The following FER1L5 variants were observed in gnomAD, a reference collection of about 807,000 sequenced individuals.
FER1L5 encodes fer-1-like protein 5.
In FER1L5, 187 loss-of-function variants were observed where a neutral mutation model predicts 279.9. The observed-to-expected ratio is 0.67, with a 90% CI of 0.59 to 0.75. The LOEUF is 0.75. Among genes scored for constraint, FER1L5 ranks in the 30% least tolerant of loss-of-function variants. The pLI is 0.00. For missense variants in FER1L5, 2,091 were observed against 2,594.4 expected, an observed-to-expected ratio of 0.81 and a Z score of 4.21; for synonymous variants, 921 against 989.7, an observed-to-expected ratio of 0.93 and a Z score of 1.30.
At position 96,647,843 on chromosome 2, in the gene FER1L5, T is replaced by C; in HGVS notation, c.296T>C (p.Val99Ala). 6.4e-7 allele frequency: 1 copy of C among 1,551,796 alleles called. No homozygotes were observed. The highest frequency in any genetic ancestry group is 8.7e-7 in the Non-Finnish European group (1 of 1,147,016). The change falls in exon 4 of 53, where the codon GTG (valine) becomes GCG (alanine). Residue 99 changes from valine to alanine, a missense_variant. Coordinates refer to ENST00000624922, the MANE Select transcript of FER1L5 (RefSeq NM_001293083.2). ...LLKQPSEVLFVKDLTLLNHSM... is the reference protein window; with the variant it reads ...LLKQPSEVLFAKDLTLLNHSM... ...AAACAACCAAGTGAGGTCCTTTTTG[T>C]GAAGGACTTGACCCTGCTCAACCAT... is the stretch of plus-strand genomic sequence containing the variant.
In FER1L5 at chr2:96,695,814, C is replaced by A; in HGVS notation, c.3967C>A (p.Gln1323Lys). ...GGTAGACAACTGGGCCTTCGGCCAG[C>A]AGACCGTGACGGGCCAGGCCAACAT... is the stretch of plus-strand genomic sequence containing the variant. ...KVVDNWAFGQQTVTGQANIDF... is the reference protein window; with the variant it reads ...KVVDNWAFGQKTVTGQANIDF... Residue 1323 changes from glutamine to lysine, a missense_variant, in exon 36 of 53, where the codon CAG becomes AAG. Transcript: ENST00000624922. 3 of 1,612,950 alleles carry A rather than the reference C, an allele frequency of 1.9e-6. No homozygotes were observed. Among genetic ancestry groups the A allele is most frequent in the Non-Finnish European group, 8.5e-7 (1 of 1,179,506 alleles).
At chr2:96,680,554 C>G (rs1396403730) in intron 19 of FER1L5, among the ~76,000 whole-genome samples, 1 of 151,980 alleles carries the variant, frequency 6.6e-6, no homozygotes, top group Non-Finnish European at 1.5e-5. Flanking sequence ...GGTGACCATT[C>G]TATTTAAATT....
Position 96,702,491 on chromosome 2 carries a change from T to A in FER1L5, c.5255+90T>A. ...ACGGCCCAGTCCTGAATGGGACACCTCTCCATCCAGCTCTGCCTGGCGTCG... is the reference window on the plus strand; with the variant it reads ...ACGGCCCAGTCCTGAATGGGACACCACTCCATCCAGCTCTGCCTGGCGTCG... On this transcript the variant is annotated intron_variant, in intron 47 of 52. Coordinates refer to ENST00000624922, the MANE Select transcript of FER1L5 (RefSeq NM_001293083.2). The surrounding 1 kb of genome is among the most constrained non-coding windows in gnomAD (Gnocchi z 4.0). 1 of 1,551,152 alleles carries A rather than the reference T, an allele frequency of 6.4e-7. No homozygotes were observed. The highest frequency in any genetic ancestry group is 1.2e-5 in the South Asian group (1 of 83,530).
At chr2:96,661,903 TA>T (rs1573829750) in intron 12 of FER1L5, 112 bp downstream of exon 12, 42 of 1,432,324 alleles carry the variant, frequency 2.9e-5, no homozygotes, top group South Asian at 6.8e-5. Flanking sequence ...CTGTTTGGGG[TA>T]GGGGGGACAG....
chr2:96,688,085 A>C, intron 24 of FER1L5, 138 bp downstream of exon 24: 1 of 1,179,154 alleles, frequency 8.5e-7, no homozygotes, highest in South Asian at 1.5e-5. Context: ...CCCTGCACTG[A>C]AGAGGAAGAA....
At chr2:96,673,297 A>G in intron 19 of FER1L5, 43 bp downstream of exon 19, 1 of 1,523,750 alleles carries the variant, frequency 6.6e-7, no homozygotes, top group Non-Finnish European at 8.9e-7. Flanking sequence ...CAGCCACTGC[A>G]TGCCAGGCCC....
chr2:96,702,558 G>A lies in FER1L5; in HGVS notation c.5256-42G>A. 1 of 1,554,038 alleles carries A rather than the reference G, an allele frequency of 6.4e-7. No homozygotes were observed. Among genetic ancestry groups the A allele is most frequent in the Non-Finnish European group, 8.7e-7 (1 of 1,148,778 alleles). On this transcript the variant is annotated intron_variant, in intron 47 of 52. Coordinates refer to ENST00000624922, the MANE Select transcript of FER1L5 (RefSeq NM_001293083.2). This position sits in a 1 kb window ranked among gnomAD's most constrained non-coding sequence, Gnocchi z 4.0. ...CATGGGGCTCCAGCTGGGGGATGGG[G>A]CCAATGCACATGAGCCACAGGTGAT...
chr2:96,690,459 C>T, intron 26 of FER1L5, 28 bp from the exon 27 acceptor site: 1 of 1,547,686 alleles, frequency 6.5e-7, no homozygotes, highest in Non-Finnish European at 8.7e-7. Flanking sequence ...TCATGTGCCC[C>T]TCGCTCGCCC....
intron 10 of FER1L5, among the ~76,000 whole-genome samples, chr2:96,661,006 C>T (rs2075933867): frequency 6.6e-6 from 1 of 152,206 alleles, no homozygotes; most frequent in Non-Finnish European, 1.5e-5. Flanking sequence ...TTCCACCTTA[C>T]CTGGCTATAA....
Position 96,694,068 on chromosome 2 carries a change from CTG to C in FER1L5, c.3633_3634del (p.Lys1213AlafsTer34). The C allele has an allele frequency of 6.5e-7, 1 of 1,540,954 alleles. No individual in the cohort carries two copies. The highest frequency in any genetic ancestry group is 8.7e-7 in the Non-Finnish European group (1 of 1,146,602). On this transcript the variant is annotated frameshift_variant and splice_region_variant, in exon 33 of 53. Coordinates refer to ENST00000624922, the MANE Select transcript of FER1L5 (RefSeq NM_001293083.2). LOFTEE classifies it high-confidence loss of function. This position sits in a 1 kb window ranked among gnomAD's most constrained non-coding sequence, Gnocchi z 4.6. ...GCATCCTGTGAGCTGATCCTCCAGA[CTG>C]AGGTATTGGGAGAGAGGGCCTGGCT...
At chr2:96,664,388 G>A (rs1353387471) in intron 14 of FER1L5, among the ~76,000 whole-genome samples, 1 of 151,996 alleles carries the variant, frequency 6.6e-6, no homozygotes, top group African/African-American at 2.4e-5. Flanking sequence ...TCTGCTTTCT[G>A]TTACTACGTA....
At position 96,685,943 on chromosome 2, in the gene FER1L5, C is replaced by T; in HGVS notation, c.1899C>T (p.Arg633=). The stretch of plus-strand genomic sequence containing the variant: ...TGCTACCCTGTCCTGGCCACAGGCG[C>T]CCTCTGCCCTGCATGACCTATCAGC... ...LLRELAEDCK[R]PLPCMTYQPK... is the part of the protein sequence containing the mutation. The change falls in exon 22 of 53, where the codon CGC becomes CGT. Residue 633 remains arginine, a synonymous_variant. Transcript: ENST00000624922. 6.5e-7 allele frequency: 1 copy of T among 1,536,032 alleles called. No individual in the cohort carries two copies. Among genetic ancestry groups the T allele is most frequent in the Non-Finnish European group, 8.8e-7 (1 of 1,139,656 alleles).
chr2:96,646,382 C>G lies in FER1L5; in HGVS notation c.86-19C>G. On this transcript the variant is annotated intron_variant, in intron 1 of 52. Coordinates refer to ENST00000624922, the MANE Select transcript of FER1L5 (RefSeq NM_001293083.2). ...AAATATTTCCTACCATCAATGCCAG[C>G]CTCTTGGTTTCTTTGCAGATATCAA... The G allele has an allele frequency of 6.4e-7, 1 of 1,551,328 alleles. No homozygotes were observed. Among genetic ancestry groups the G allele is most frequent in the Non-Finnish European group, 8.7e-7 (1 of 1,146,718 alleles).
chr2:96,669,061 T>TAAA lies in FER1L5; in HGVS notation c.1286_1287insAAA (p.Leu429_Pro430insLys), dbSNP rs1228318265. On this transcript the variant is annotated inframe_insertion, in exon 17 of 53. Coordinates refer to ENST00000624922, the MANE Select transcript of FER1L5 (RefSeq NM_001293083.2). ...CTTCCAGGAGTGTACTCCGGCTTCC[T>TAAA]GCCCTGCTTTGGCCCCAGCTTCCTG... 1 of 1,551,598 alleles carries TAAA rather than the reference T, an allele frequency of 6.4e-7. No individual in the cohort carries two copies. Among genetic ancestry groups the TAAA allele is most frequent in the African/African-American group, 1.4e-5 (1 of 73,060 alleles).
Position 96,642,765 on chromosome 2 carries a change from T to C in FER1L5, c.-72T>C, listed in dbSNP as rs1332888338. 40 of 1,473,146 alleles carry C rather than the reference T, an allele frequency of 2.7e-5. No individual in the cohort carries two copies. Among genetic ancestry groups the C allele is most frequent in the Non-Finnish European group, 3.5e-5 (38 of 1,089,514 alleles). The allele number at this position is 1,473,146 out of a possible 1,614,324, so 91.3% of individuals were successfully genotyped here. On this transcript the variant is annotated 5_prime_UTR_variant, in exon 1 of 53. Transcript: ENST00000624922. ...CACCCCAGGATCGCTGGGAAAAGTC[T>C]TGGACTGAGGAGCTCCAAAAAGGAA...
At chr2:96,703,438 C>T in intron 50 of FER1L5, 85 bp from the exon 51 acceptor site, 1 of 1,605,760 alleles carries the variant, frequency 6.2e-7, no homozygotes. Context: ...ATCCCTTTTC[C>T]TTTCTTGATC....
chr2:96,659,786 C>T (rs1235689972), intron 9 of FER1L5, among the ~76,000 whole-genome samples: 7 of 151,936 alleles, frequency 4.6e-5, no homozygotes, highest in Non-Finnish European at 1.0e-4. Flanking sequence ...CCACTGCGTC[C>T]GGCCAATCAA....
intron 9 of FER1L5, among the ~76,000 whole-genome samples, chr2:96,659,220 A>G (rs2075723647): frequency 6.6e-6 from 1 of 151,946 alleles, no homozygotes; most frequent in South Asian, 2.1e-4. Flanking sequence ...GGCGTGAGCC[A>G]CTGTCATTTT....
At position 96,689,314 on chromosome 2, in the gene FER1L5, G is replaced by T; in HGVS notation, c.2463G>T (p.Thr821=). ...DVMGNKTLPM[T]DFQPPLGWHW... ...TGGGGAACAAGACCCTCCCCATGAC[G>T]GATTTCCAACCACCCCTGGGATGGC... Residue 821 remains threonine, a synonymous_variant, in exon 25 of 53, where the codon ACG becomes ACT. Transcript: ENST00000624922. This position sits in a 1 kb window ranked among gnomAD's most constrained non-coding sequence, Gnocchi z 4.6. 1 of 1,550,286 alleles carries T rather than the reference G, an allele frequency of 6.5e-7. No individual in the cohort carries two copies. Among genetic ancestry groups the T allele is most frequent in the South Asian group, 1.2e-5 (1 of 83,892 alleles).
Sources: allele counts gnomAD v4.1 joint callset (sites outside exome capture counted in the v4.1 genomes callset), GRCh38; gene constraint gnomAD v4.1.1; non-coding constraint Gnocchi (gnomAD v3.1); transcripts MANE v1.5; gene names NCBI Gene and HGNC (gene_info 2026-07-23, HGNC 2026-07-21).